The following CACNA2D3 variants were observed in gnomAD, a reference collection of about 807,000 sequenced individuals.
CACNA2D3 encodes the protein voltage-dependent calcium channel subunit alpha-2/delta-3.
Under a neutral mutation model 160.6 loss-of-function variants are expected in CACNA2D3, and 60 were observed. The observed-to-expected ratio is 0.37, with a 90% CI of 0.30 to 0.46. The LOEUF is 0.46. Ranked by LOEUF, CACNA2D3 falls within the 20% of genes least tolerant of loss-of-function variation. CACNA2D3 has a pLI of 1.00. For synonymous variants in CACNA2D3, 558 were observed against 492.9 expected, an observed-to-expected ratio of 1.13 and a Z score of -1.75; for missense variants, 1,205 against 1,365.0, an observed-to-expected ratio of 0.88 and a Z score of 1.85.
chr3:54,129,286 G>A (rs1426072957), intron 2 of CACNA2D3, among the ~76,000 whole-genome samples: 1 of 152,178 alleles, frequency 6.6e-6, no homozygotes, highest in East Asian at 1.9e-4. Flanking sequence ...TAGCCAGCAC[G>A]TCTACTTTTC....
intron 2 of CACNA2D3, among the ~76,000 whole-genome samples, chr3:54,296,622 T>C (rs1345415066): frequency 6.6e-6 from 1 of 152,190 alleles, no homozygotes; most frequent in Non-Finnish European, 1.5e-5. Context: ...CGATATGATA[T>C]AGAGGCCACT....
At chr3:54,286,554 A>G (rs1030575838) in intron 2 of CACNA2D3, among the ~76,000 whole-genome samples, 2 of 152,216 alleles carry the variant, frequency 1.3e-5, no homozygotes, top group Admixed American at 6.5e-5. Flanking sequence ...GCAGGCCAAT[A>G]TTCAGATTCA....
chr3:54,646,758 T>C (rs1178596840), intron 11 of CACNA2D3, among the ~76,000 whole-genome samples: 1 of 152,218 alleles, frequency 6.6e-6, no homozygotes, highest in Non-Finnish European at 1.5e-5. Context: ...TTTATATTCC[T>C]TTGGGCATAT....
chr3:54,521,983 A>G (rs973758399), intron 5 of CACNA2D3, among the ~76,000 whole-genome samples: 2 of 152,068 alleles, frequency 1.3e-5, no homozygotes, highest in Non-Finnish European at 2.9e-5. Context: ...GAGTCCTCTG[A>G]TTTTGTTCAT....
intron 13 of CACNA2D3, among the ~76,000 whole-genome samples, chr3:54,801,184 C>T (rs1431901188): frequency 1.3e-5 from 2 of 152,006 alleles, no homozygotes; most frequent in African/African-American, 2.4e-5. Context: ...GATGGGGTTT[C>T]ACCATGTTGG....
chr3:54,880,544 A>T (rs1277561997), intron 20 of CACNA2D3, among the ~76,000 whole-genome samples: 1 of 152,134 alleles, frequency 6.6e-6, no homozygotes, highest in East Asian at 1.9e-4. Flanking sequence ...GTTTGCCACA[A>T]CTCTGAAAAC....
chr3:54,480,351 C>T (rs1354227750), intron 4 of CACNA2D3, among the ~76,000 whole-genome samples: 3 of 152,068 alleles, frequency 2.0e-5, no homozygotes, highest in Admixed American at 2.0e-4. Context: ...GAGATGGTTG[C>T]TTGGTACAGA....
chr3:54,632,472 T>A (rs921247559), intron 10 of CACNA2D3: 2 of 152,220 alleles, frequency 1.3e-5, no homozygotes, highest in Non-Finnish European at 2.9e-5. Flanking sequence ...CTGTGTTTAA[T>A]GCAGTCTCCC....
At chr3:54,972,595 C>G (rs1333689519) in intron 29 of CACNA2D3, among the ~76,000 whole-genome samples, 2 of 152,204 alleles carry the variant, frequency 1.3e-5, no homozygotes, top group Admixed American at 1.3e-4. Context: ...GCCCAACTCC[C>G]TCGGGCTTAT....
chr3:54,652,725 G>A (rs1391158485), intron 11 of CACNA2D3, among the ~76,000 whole-genome samples: 2 of 151,920 alleles, frequency 1.3e-5, no homozygotes, highest in Admixed American at 1.3e-4. Context: ...CTGGGCTTCA[G>A]TGGGCACAGT....
chr3:54,422,655 A>C (rs913288659), intron 4 of CACNA2D3, among the ~76,000 whole-genome samples: 2 of 152,128 alleles, frequency 1.3e-5, no homozygotes, highest in Non-Finnish European at 2.9e-5. Flanking sequence ...ATCAGTTGGC[A>C]AAATAATAAT....
At chr3:54,247,111 A>G (rs1441816601) in intron 2 of CACNA2D3, among the ~76,000 whole-genome samples, 1 of 152,230 alleles carries the variant, frequency 6.6e-6, no homozygotes. Flanking sequence ...CAGGAGTTCA[A>G]GATCAGCCTG....
intron 13 of CACNA2D3, among the ~76,000 whole-genome samples, chr3:54,778,488 T>C (rs1446891494): frequency 6.6e-6 from 1 of 152,108 alleles, no homozygotes; most frequent in Non-Finnish European, 1.5e-5. Context: ...CTCAGTTTCA[T>C]CATCTCCTCT....
At chr3:54,726,351 C>T (rs566682702) in intron 11 of CACNA2D3, among the ~76,000 whole-genome samples, 2 of 152,206 alleles carry the variant, frequency 1.3e-5, no homozygotes, top group East Asian at 1.9e-4. Flanking sequence ...GTAATTTATA[C>T]ATTCAGTGCT....
chr3:54,886,456 C>T (rs1369667517), intron 23 of CACNA2D3, among the ~76,000 whole-genome samples: 1 of 152,138 alleles, frequency 6.6e-6, no homozygotes, highest in Non-Finnish European at 1.5e-5. Flanking sequence ...ATGAATAATA[C>T]ATTTGTAGTC....
chr3:54,593,925 C>T (rs1044017810), intron 9 of CACNA2D3, among the ~76,000 whole-genome samples: 11 of 152,066 alleles, frequency 7.2e-5, no homozygotes, highest in African/African-American at 2.4e-4. Context: ...TGTTTCTATG[C>T]GAGATGTAGT....
At chr3:55,007,413 T>C (rs1703121572) in intron 32 of CACNA2D3, among the ~76,000 whole-genome samples, 1 of 152,212 alleles carries the variant, frequency 6.6e-6, no homozygotes, top group African/African-American at 2.4e-5. Flanking sequence ...GAGGCTGCCC[T>C]GTAAATTACC....
chr3:54,922,825 C>G (rs1700893099), intron 27 of CACNA2D3, among the ~76,000 whole-genome samples: 1 of 152,146 alleles, frequency 6.6e-6, no homozygotes, highest in Non-Finnish European at 1.5e-5. Flanking sequence ...ACTCACTCCC[C>G]CCAGTCCCCT....
chr3:54,804,528 C>T (rs1477493361), intron 13 of CACNA2D3, among the ~76,000 whole-genome samples: 1 of 152,200 alleles, frequency 6.6e-6, no homozygotes, highest in Non-Finnish European at 1.5e-5. Flanking sequence ...GCACCCAATA[C>T]AGGAGCACCC....
Sources: gnomAD v4.1 joint callset for allele counts (sites outside exome capture counted in the v4.1 genomes callset) on GRCh38, gnomAD v4.1.1 for gene constraint, MANE v1.5 for transcripts, NCBI Gene and HGNC (gene_info 2026-07-23, HGNC 2026-07-21) for gene names.